The following SLC25A26 variants were observed in gnomAD, a reference collection of about 807,000 sequenced individuals.
SLC25A26 encodes mitochondrial S-adenosylmethionine carrier protein.
Under a neutral mutation model 37.8 loss-of-function variants are expected in SLC25A26, and 36 were observed. The ratio of observed to expected loss-of-function variants is 0.95; its 90% CI spans 0.73 to 1.26. The LOEUF is 1.26. Ranked by LOEUF, SLC25A26 falls within the 50% of genes most tolerant of loss-of-function variation. The probability of loss-of-function intolerance (pLI) is 0.00; values close to 1 mark genes in which losing one functional copy is unlikely to be tolerated. For synonymous variants in SLC25A26, 129 were observed against 122.5 expected, an observed-to-expected ratio of 1.05 and a Z score of -0.35; for missense variants, 390 against 331.1, an observed-to-expected ratio of 1.18 and a Z score of -1.38.
At chr3:66,209,969 G>GAGTACCCTGA (rs1180040295) in intron 1 of SLC25A26, among the ~76,000 whole-genome samples, 6 of 107,454 alleles carry the variant, frequency 5.6e-5, no homozygotes, top group African/African-American at 2.2e-4. Context: ...CTGGGGGAAA[G>GAGTACCCTGA]AGTACCCTGA....
chr3:66,296,668 TTTAAC>T (rs1415511913), intron 5 of SLC25A26, among the ~76,000 whole-genome samples: 2 of 152,330 alleles, frequency 1.3e-5, no homozygotes, highest in East Asian at 1.9e-4. Context: ...AAATATTATA[TTTAAC>T]TTAATAATTA....
intron 3 of SLC25A26, among the ~76,000 whole-genome samples, chr3:66,254,384 C>G (rs2073219385): frequency 6.6e-6 from 1 of 152,198 alleles, no homozygotes; most frequent in African/African-American, 2.4e-5. Context: ...AAGCAAATTG[C>G]ATTTCAAAAA....
chr3:66,350,990 G>T (rs1410120189), intron 6 of SLC25A26, among the ~76,000 whole-genome samples: 1 of 152,040 alleles, frequency 6.6e-6, no homozygotes, highest in Non-Finnish European at 1.5e-5. Flanking sequence ...ACCATATTGT[G>T]TTTAAAACAT....
At position 66,245,737 on chromosome 3, in the gene SLC25A26, G is replaced by GA. The variant is rs201032435; in HGVS notation, c.300+2425_300+2426insA. On this transcript the variant is annotated intron_variant, in intron 3 of 9. Coordinates refer to ENST00000354883, the MANE Select transcript of SLC25A26 (RefSeq NM_001379210.1). ...CCTTGTTTAAGAATAAGTGAACTGGGGATATGGAAAGAGAGGTAACACAAA... is the reference window on the plus strand; with the variant it reads ...CCTTGTTTAAGAATAAGTGAACTGGGAGATATGGAAAGAGAGGTAACACAAA... 8.0e-3 allele frequency among the ~76,000 whole-genome samples: 1,224 copies of GA among 152,184 alleles called. 19 individuals carry two copies. Among genetic ancestry groups the GA allele is most frequent in the African/African-American group, 0.028 (1,173 of 41,504 alleles).
At chr3:66,371,407 G>A (rs1388807558) in intron 9 of SLC25A26, 4 of 1,493,936 alleles carry the variant, frequency 2.7e-6, no homozygotes, top group Non-Finnish European at 2.7e-6. Context: ...TGGAGGACAT[G>A]AAGTAGGTGA....
At chr3:66,191,937 A>G (rs2070950280) in intron 1 of SLC25A26, among the ~76,000 whole-genome samples, 1 of 151,368 alleles carries the variant, frequency 6.6e-6, no homozygotes, top group African/African-American at 2.4e-5. Context: ...TAAAATTCTA[A>G]CCCCCAATCT....
At chr3:66,296,663 T>C (rs1338940101) in intron 5 of SLC25A26, among the ~76,000 whole-genome samples, 1 of 152,216 alleles carries the variant, frequency 6.6e-6, no homozygotes, top group Non-Finnish European at 1.5e-5. Context: ...TAGCTAAATA[T>C]TATATTTAAC....
intron 1 of SLC25A26, among the ~76,000 whole-genome samples, chr3:66,159,787 T>C (rs1309954784): frequency 6.6e-6 from 1 of 152,072 alleles, no homozygotes; most frequent in African/African-American, 2.4e-5. Context: ...TTTTGGTGCA[T>C]TTTGAACCCT....
At chr3:66,209,789 A>G (rs998428508) in intron 1 of SLC25A26, among the ~76,000 whole-genome samples, 3 of 136,292 alleles carry the variant, frequency 2.2e-5, no homozygotes, top group Non-Finnish European at 3.1e-5. Context: ...GTATATATAT[A>G]TATACACACC....
intron 5 of SLC25A26, among the ~76,000 whole-genome samples, chr3:66,327,553 G>C (rs1485730063): frequency 6.6e-6 from 1 of 152,034 alleles, no homozygotes; most frequent in Non-Finnish European, 1.5e-5. Flanking sequence ...GTTATATTTA[G>C]GGAACTGTAT....
At chr3:66,369,435 A>G in intron 7 of SLC25A26, 43 bp from the exon 8 acceptor site, 1 of 1,537,624 alleles carries the variant, frequency 6.5e-7, no homozygotes, top group Non-Finnish European at 8.9e-7. Flanking sequence ...AAAATTATAC[A>G]GTAAACAGGA....
intron 1 of SLC25A26, among the ~76,000 whole-genome samples, chr3:66,172,418 A>G (rs1021554697): frequency 6.6e-6 from 1 of 150,516 alleles, no homozygotes; most frequent in African/African-American, 2.4e-5. Context: ...AAGAAAAAAA[A>G]AAAAAAAAAA....
intron 5 of SLC25A26, among the ~76,000 whole-genome samples, chr3:66,334,845 G>A (rs1195183482): frequency 2.0e-5 from 3 of 151,856 alleles, no homozygotes. Flanking sequence ...GAGATTTGAG[G>A]GTTGTGTTGT....
intron 1 of SLC25A26, among the ~76,000 whole-genome samples, chr3:66,149,086 A>G (rs1272182901): frequency 6.6e-6 from 1 of 152,136 alleles, no homozygotes; most frequent in Non-Finnish European, 1.5e-5. Flanking sequence ...CAGGCTGGAT[A>G]AACAACATGC....
At chr3:66,370,918 C>T (rs990119453) in intron 9 of SLC25A26, among the ~76,000 whole-genome samples, 1 of 152,140 alleles carries the variant, frequency 6.6e-6, no homozygotes, top group African/African-American at 2.4e-5. Context: ...TGCAGAAATA[C>T]AAGGGAGTGA....
intron 5 of SLC25A26, among the ~76,000 whole-genome samples, chr3:66,300,920 A>T (rs1482981760): frequency 1.3e-5 from 2 of 152,200 alleles, no homozygotes; most frequent in Non-Finnish European, 2.9e-5. Flanking sequence ...TTAAAATTCT[A>T]CTTAAAAATT....
chr3:66,300,266 T>G (rs919439778), intron 5 of SLC25A26, among the ~76,000 whole-genome samples: 7 of 150,368 alleles, frequency 4.7e-5, no homozygotes, highest in Non-Finnish European at 1.0e-4. Context: ...GTTTTTTTTT[T>G]TTTTTTTGGT....
At chr3:66,268,700 T>A (rs2073849179) in intron 5 of SLC25A26, among the ~76,000 whole-genome samples, 1 of 152,184 alleles carries the variant, frequency 6.6e-6, no homozygotes, top group Non-Finnish European at 1.5e-5. Flanking sequence ...TGGCTCTGTG[T>A]CCCCACCTAA....
chr3:66,247,013 C>G (rs976735361), intron 3 of SLC25A26, among the ~76,000 whole-genome samples: 1 of 152,190 alleles, frequency 6.6e-6, no homozygotes, highest in African/African-American at 2.4e-5. Flanking sequence ...AGGCACCCGC[C>G]ACCACACCCG....
Sources: allele counts gnomAD v4.1 joint callset (sites outside exome capture counted in the v4.1 genomes callset), GRCh38; gene constraint gnomAD v4.1.1; transcripts MANE v1.5; gene names NCBI Gene and HGNC (gene_info 2026-07-23, HGNC 2026-07-21).